The following CTNND2 variants were observed in gnomAD, a reference collection of about 807,000 sequenced individuals.
CTNND2 encodes catenin delta 2, also known as catenin delta-2.
In CTNND2, 22 loss-of-function variants were observed where a neutral mutation model predicts 144.4. The observed-to-expected ratio is 0.15, with a 90% CI of 0.11 to 0.22. The LOEUF (loss-of-function observed/expected upper bound fraction) is 0.22. CTNND2 is among the 10% of genes least tolerant of loss of function. The pLI is 1.00. For synonymous variants in CTNND2, 751 were observed against 695.6 expected (o/e 1.08, Z -1.25); for missense variants, 1,353 against 1,618.8 (o/e 0.84, Z 2.82).
intron 3 of CTNND2, among the ~76,000 whole-genome samples, chr5:11,470,980 A>ATATATATATATATATATATATATATATAT (rs1219093645): frequency 1.1e-5 from 1 of 91,536 alleles, no homozygotes; most frequent in Non-Finnish European, 2.0e-5. Context: ...ATATATATAT[A>ATATATATATATATATATATATATATATAT]TTTTTTTTTT....
At chr5:11,361,732 C>A (rs2149766172) in intron 8 of CTNND2, among the ~76,000 whole-genome samples, 1 of 152,350 alleles carries the variant, frequency 6.6e-6, no homozygotes, top group East Asian at 1.9e-4. Flanking sequence ...TATCTTTCCT[C>A]CAGCCCTTTA....
intron 20 of CTNND2, among the ~76,000 whole-genome samples, chr5:10,985,437 G>A (rs1579951065): frequency 6.6e-6 from 1 of 152,290 alleles, no homozygotes; most frequent in East Asian, 1.9e-4. Context: ...AATGAATCCA[G>A]AAAAGGAGGG....
At chr5:11,521,619 A>G (rs1487821951) in intron 3 of CTNND2, among the ~76,000 whole-genome samples, 1 of 152,178 alleles carries the variant, frequency 6.6e-6, no homozygotes, top group Non-Finnish European at 1.5e-5. Context: ...ACAGATATTA[A>G]TATTCTGGTT....
chr5:11,167,494 C>T (rs1759455600), intron 11 of CTNND2, among the ~76,000 whole-genome samples: 1 of 152,128 alleles, frequency 6.6e-6, no homozygotes, highest in Admixed American at 6.5e-5. Flanking sequence ...ACCTGGGTCT[C>T]CATGCAATGT....
intron 2 of CTNND2, among the ~76,000 whole-genome samples, chr5:11,597,837 T>C (rs1341818275): frequency 6.6e-6 from 1 of 152,162 alleles, no homozygotes; most frequent in Non-Finnish European, 1.5e-5. Flanking sequence ...ACTGAGACTA[T>C]GGGCATGAGC....
chr5:11,721,211 T>C (rs1314876527), intron 2 of CTNND2, among the ~76,000 whole-genome samples: 4 of 152,186 alleles, frequency 2.6e-5, no homozygotes, highest in African/African-American at 7.2e-5. Flanking sequence ...ATAAGCCCTT[T>C]AGAAAAGACC....
chr5:11,797,517 C>T (rs1429788641), intron 1 of CTNND2, among the ~76,000 whole-genome samples: 2 of 152,102 alleles, frequency 1.3e-5, no homozygotes, highest in Non-Finnish European at 2.9e-5. Context: ...TGTAAGCTTA[C>T]AACTCCAAAC....
chr5:11,765,822 T>TTAA (rs1306419773), intron 1 of CTNND2, among the ~76,000 whole-genome samples: 9 of 152,210 alleles, frequency 5.9e-5, no homozygotes, highest in Non-Finnish European at 1.3e-4. Context: ...AAATAATTTG[T>TTAA]TAATAATAAT....
At chr5:11,866,190 C>T (rs1221068059) in intron 1 of CTNND2, among the ~76,000 whole-genome samples, 1 of 152,166 alleles carries the variant, frequency 6.6e-6, no homozygotes, top group Non-Finnish European at 1.5e-5. Context: ...ATAAACCTAG[C>T]TACTCGGGAG....
At chr5:11,848,320 T>G (rs1360141523) in intron 1 of CTNND2, among the ~76,000 whole-genome samples, 1 of 152,152 alleles carries the variant, frequency 6.6e-6, no homozygotes, top group Non-Finnish European at 1.5e-5. Flanking sequence ...CAAATACAAC[T>G]AGGCTAGAAG....
intron 3 of CTNND2, among the ~76,000 whole-genome samples, chr5:11,562,642 A>G (rs1307926782): frequency 6.6e-6 from 1 of 152,224 alleles, no homozygotes; most frequent in Non-Finnish European, 1.5e-5. Flanking sequence ...CAGATTTAAG[A>G]CAGATTTATT....
intron 16 of CTNND2, among the ~76,000 whole-genome samples, chr5:11,073,025 C>T (rs569654182): frequency 2.0e-5 from 3 of 152,178 alleles, no homozygotes; most frequent in Non-Finnish European, 4.4e-5. Flanking sequence ...TTGCCTGCTC[C>T]GTAATTTTTT....
At chr5:11,627,535 GA>G (rs754178506) in intron 2 of CTNND2, among the ~76,000 whole-genome samples, 5 of 151,398 alleles carry the variant, frequency 3.3e-5, no homozygotes, top group Non-Finnish European at 5.9e-5. Context: ...CAGACAAAAT[GA>G]AAAAAAATTA....
chr5:11,443,862 T>A (rs1764559928), intron 3 of CTNND2, among the ~76,000 whole-genome samples: 1 of 139,594 alleles, frequency 7.2e-6, no homozygotes. Flanking sequence ...ATCAAACTTA[T>A]TGGGTGGCAT....
chr5:11,707,948 T>G (rs1001489735), intron 2 of CTNND2, among the ~76,000 whole-genome samples: 1 of 152,206 alleles, frequency 6.6e-6, no homozygotes, highest in African/African-American at 2.4e-5. Flanking sequence ...ACTCCTAAAT[T>G]TCTGCATTTT....
chr5:11,398,099 G>A (rs771557961), intron 5 of CTNND2, among the ~76,000 whole-genome samples: 1 of 152,038 alleles, frequency 6.6e-6, no homozygotes, highest in Non-Finnish European at 1.5e-5. Context: ...TAAGAAGAGC[G>A]TGTCAGTGGC....
chr5:10,974,237 CCATCCATGGTGTTGCA>C (rs1270330575), intron 21 of CTNND2, among the ~76,000 whole-genome samples: 1 of 152,194 alleles, frequency 6.6e-6, no homozygotes, highest in African/African-American at 2.4e-5. Flanking sequence ...TTTGCATGGT[CCATCCATGGTGTTGCA>C]CATGGCAGAC....
intron 13 of CTNND2, among the ~76,000 whole-genome samples, chr5:11,114,017 A>G (rs1753291182): frequency 6.6e-6 from 1 of 152,204 alleles, no homozygotes; most frequent in African/African-American, 2.4e-5. Context: ...GCTCTGAGTC[A>G]ACCTGATTTT....
chr5:11,000,483 T>A (rs1480911862), intron 18 of CTNND2, among the ~76,000 whole-genome samples: 3 of 152,160 alleles, frequency 2.0e-5, no homozygotes, highest in Non-Finnish European at 4.4e-5. Context: ...ATTGTGCCAC[T>A]GCACTCCAGC....
Sources: allele counts gnomAD v4.1 joint callset (sites outside exome capture counted in the v4.1 genomes callset), GRCh38; gene constraint gnomAD v4.1.1; transcripts MANE v1.5; gene names NCBI Gene and HGNC (gene_info 2026-07-23, HGNC 2026-07-21).